FXR1: variants seen among roughly 807,000 people sequenced by gnomAD.
FXR1 encodes FMR1 autosomal homolog 1.
In FXR1, 15 loss-of-function variants were observed where a neutral mutation model predicts 84.0. The observed-to-expected ratio is 0.18, with a 90% CI of 0.12 to 0.27. The LOEUF is 0.27. Among genes scored for constraint, FXR1 ranks in the 10% least tolerant of loss-of-function variants. The probability of loss-of-function intolerance (pLI) is 1.00; values close to 1 mark genes in which losing one functional copy is unlikely to be tolerated. For missense variants in FXR1, 480 were observed against 774.4 expected (o/e 0.62, Z 4.51); for synonymous variants, 245 against 250.7 (o/e 0.98, Z 0.21).
chr3:180,958,504 C>T (rs1456657891), intron 10 of FXR1, among the ~76,000 whole-genome samples: 1 of 152,184 alleles, frequency 6.6e-6, no homozygotes, highest in Non-Finnish European at 1.5e-5. Flanking sequence ...GTTTTCCATT[C>T]CTGAATTACT....
intron 6 of FXR1, 133 bp from the exon 7 acceptor site, chr3:180,949,094 A>G (rs1320925937): frequency 8.5e-6 from 6 of 706,924 alleles, no homozygotes; most frequent in Non-Finnish European, 1.5e-5. Context: ...GTGATTACTC[A>G]GAGTAGTGAG....
In FXR1 at chr3:180,979,538, T is replaced by C. The variant is rs1714504878; in HGVS notation, c.*3246T>C. 6.6e-6 allele frequency: 1 copy of C among 152,100 alleles called. No individual in the cohort carries two copies. 9.4% of individuals were successfully genotyped at this position (152,100 alleles called of 1,614,324 possible). ...AGAATATCTGTCTGCTATAGTGAAT[T>C]TGCTAGCCCCTTATTTTTTTTTTTA... On this transcript the variant is annotated 3_prime_UTR_variant, in exon 17 of 17. Coordinates refer to ENST00000357559, the MANE Select transcript of FXR1 (RefSeq NM_005087.4).
rs1380676800 is a variant in FXR1, at chr3:180,977,169, T to A, written c.*877T>A. On this transcript the variant is annotated 3_prime_UTR_variant, in exon 17 of 17. Coordinates refer to ENST00000357559, the MANE Select transcript of FXR1 (RefSeq NM_005087.4). ...TGATCTTCCATTTGCTGAATTTTTT[T>A]AACTTTCTACTTTTTACACCAATTG... is the stretch of plus-strand genomic sequence containing the variant. 1 of 152,510 alleles carries A rather than the reference T, an allele frequency of 6.6e-6. No individual in the cohort carries two copies. The highest frequency in any genetic ancestry group is 1.5e-5 in the Non-Finnish European group (1 of 67,994). The allele number at this position is 152,510 out of a possible 1,614,324, so 9.4% of individuals were successfully genotyped here. A position where few individuals can be genotyped will look rare whatever the true frequency, so the allele number is the denominator to read the frequency against.
At chr3:180,952,828 CT>C (rs371547296) in intron 8 of FXR1, among the ~76,000 whole-genome samples, 3,582 of 121,470 alleles carry the variant, frequency 0.029, 53 homozygotes, top group African/African-American at 0.038. Flanking sequence ...ATTTTATTTG[CT>C]TTTTTTTTTT....
intron 7 of FXR1, among the ~76,000 whole-genome samples, chr3:180,949,790 A>G (rs1014311923): frequency 2.6e-5 from 4 of 152,110 alleles, no homozygotes; most frequent in African/African-American, 7.2e-5. Flanking sequence ...TTGCTTTTCC[A>G]TTTTACCTTT....
intron 8 of FXR1, among the ~76,000 whole-genome samples, chr3:180,952,166 C>A (rs1645819936): frequency 6.6e-6 from 1 of 152,184 alleles, no homozygotes; most frequent in African/African-American, 2.4e-5. Flanking sequence ...CCATGTTGCA[C>A]AGGCTTGTCT....
chr3:180,929,685 G>A (rs1285988161), intron 1 of FXR1, among the ~76,000 whole-genome samples: 1 of 152,196 alleles, frequency 6.6e-6, no homozygotes, highest in Non-Finnish European at 1.5e-5. Context: ...ACCCAGCCCT[G>A]TCAATTTGGG....
At chr3:180,933,249 C>A in intron 1 of FXR1, 85 bp from the exon 2 acceptor site, 1 of 773,246 alleles carries the variant, frequency 1.3e-6, no homozygotes, top group South Asian at 1.5e-5. Context: ...TTTAGTACTC[C>A]CTATTATCTT....
chr3:180,950,796 G>A (rs1722154818), intron 7 of FXR1, among the ~76,000 whole-genome samples: 1 of 152,056 alleles, frequency 6.6e-6, no homozygotes, highest in Non-Finnish European at 1.5e-5. Flanking sequence ...GCATGTGTCA[G>A]AATTTCCTTT....
intron 1 of FXR1, among the ~76,000 whole-genome samples, chr3:180,919,103 A>G (rs1718240661): frequency 6.6e-6 from 1 of 152,170 alleles, no homozygotes; most frequent in Admixed American, 6.5e-5. Context: ...TCCCAGAGAA[A>G]TGATTTGAGC....
chr3:180,929,637 G>A (rs1719648414), intron 1 of FXR1, among the ~76,000 whole-genome samples: 1 of 152,210 alleles, frequency 6.6e-6, no homozygotes, highest in South Asian at 2.1e-4. Context: ...GCAGACAAAT[G>A]TGGCTGTTAT....
intron 2 of FXR1, 46 bp from the exon 3 acceptor site, chr3:180,935,092 G>T: frequency 1.1e-6 from 1 of 871,188 alleles, no homozygotes; most frequent in Non-Finnish European, 1.9e-6. Context: ...ACCAGGCGTA[G>T]ACTATATATT....
intron 9 of FXR1, among the ~76,000 whole-genome samples, chr3:180,955,917 T>G (rs1576973703): frequency 6.6e-6 from 1 of 152,218 alleles, no homozygotes; most frequent in Non-Finnish European, 1.5e-5. Flanking sequence ...GGTTGTGTGC[T>G]CTATAGGAAA....
chr3:180,944,615 C>T (rs1183822519), intron 3 of FXR1, among the ~76,000 whole-genome samples: 1 of 152,176 alleles, frequency 6.6e-6, no homozygotes, highest in Non-Finnish European at 1.5e-5. Context: ...GCATGAGCCA[C>T]TGTGCCCCCC....
At chr3:180,966,692 A>T (rs945169290) in intron 13 of FXR1, among the ~76,000 whole-genome samples, 1 of 152,184 alleles carries the variant, frequency 6.6e-6, no homozygotes, top group Non-Finnish European at 1.5e-5. Flanking sequence ...ACAGGGGGAA[A>T]AAATAACAAC....
At chr3:180,930,709 A>G (rs138631101) in intron 1 of FXR1, among the ~76,000 whole-genome samples, 125 of 152,296 alleles carry the variant, frequency 8.2e-4, no homozygotes, top group African/African-American at 2.8e-3. Context: ...TGCTGGTAAC[A>G]TAACTGAATG....
At chr3:180,930,395 A>C (rs1018838371) in intron 1 of FXR1, among the ~76,000 whole-genome samples, 14 of 152,198 alleles carry the variant, frequency 9.2e-5, no homozygotes, top group Admixed American at 5.9e-4. Context: ...TAGATAGAAA[A>C]AAGGTTTTTA....
At chr3:180,921,866 C>A (rs894296847) in intron 1 of FXR1, among the ~76,000 whole-genome samples, 5 of 152,002 alleles carry the variant, frequency 3.3e-5, no homozygotes, top group African/African-American at 1.2e-4. Context: ...CCACCTGGGT[C>A]TCTCACCTCC....
intron 1 of FXR1, among the ~76,000 whole-genome samples, chr3:180,925,606 G>C (rs1719080507): frequency 6.6e-6 from 1 of 152,156 alleles, no homozygotes; most frequent in African/African-American, 2.4e-5. Context: ...GAGTACTAAA[G>C]AGTGACATTT....
Sources: allele counts gnomAD v4.1 joint callset (sites outside exome capture counted in the v4.1 genomes callset), GRCh38; gene constraint gnomAD v4.1.1; transcripts MANE v1.5; gene names NCBI Gene and HGNC (gene_info 2026-07-23, HGNC 2026-07-21).